The following KLF15 variants were observed in gnomAD, a reference collection of about 807,000 sequenced individuals.
KLF15 encodes the protein KLF transcription factor 15, also known as Krueppel-like factor 15.
Under a neutral mutation model 24.6 loss-of-function variants are expected in KLF15, and 4 were observed. The observed-to-expected ratio is 0.16, with a 90% confidence interval of 0.08 to 0.37. KLF15 has a LOEUF of 0.37. Ranked by LOEUF, KLF15 falls within the 10% of genes least tolerant of loss-of-function variation. The pLI is 1.00. For synonymous variants in KLF15, 246 were observed against 236.3 expected (o/e 1.04, Z -0.37); for missense variants, 496 against 560.6 (o/e 0.88, Z 1.16).
the KLF15 span, among the ~76,000 whole-genome samples, chr3:126,317,256 T>C: frequency 6.6e-6 from 1 of 152,136 alleles, no homozygotes; most frequent in Non-Finnish European, 1.5e-5. Flanking sequence ...AAGCAATAGG[T>C]AGCTAGTCAG....
chr3:126,350,920 G>C (rs955109977), intron 2 of KLF15, among the ~76,000 whole-genome samples: 1 of 152,240 alleles, frequency 6.6e-6, no homozygotes, highest in Non-Finnish European at 1.5e-5. Context: ...ACAGCACACA[G>C]CGCCCCCCAG....
the KLF15 span, among the ~76,000 whole-genome samples, chr3:126,324,806 C>CTT: frequency 0.14 from 8,266 of 59,458 alleles, 622 homozygotes; most frequent in African/African-American, 0.21. Flanking sequence ...TTTTTTCGCT[C>CTT]TTTTTTTTTT....
chr3:126,301,813 C>T, the KLF15 span, among the ~76,000 whole-genome samples: 1 of 151,952 alleles, frequency 6.6e-6, no homozygotes, highest in African/African-American at 2.4e-5. Context: ...CGGGGTTTCA[C>T]TATGTTGACC....
the KLF15 span, among the ~76,000 whole-genome samples, chr3:126,337,558 C>T: frequency 8.7e-6 from 1 of 115,496 alleles, no homozygotes; most frequent in Non-Finnish European, 1.7e-5. Context: ...CACATGTACC[C>T]TAAAACTTAA....
At chr3:126,317,702 T>C in the KLF15 span, among the ~76,000 whole-genome samples, 1 of 152,168 alleles carries the variant, frequency 6.6e-6, no homozygotes, top group East Asian at 1.9e-4. Context: ...AACATATAAA[T>C]TTCAAGTCAA....
rs1164352509 is a variant in KLF15, at chr3:126,352,926, G to T, written c.-4C>A. 1.3e-6 allele frequency: 2 copies of T among 1,593,514 alleles called. No homozygotes were observed. The highest frequency in any genetic ancestry group is 1.7e-6 in the Non-Finnish European group (2 of 1,168,784). On this transcript the variant is annotated 5_prime_UTR_variant, in exon 2 of 3. Coordinates refer to ENST00000296233, the MANE Select transcript of KLF15 (RefSeq NM_014079.4). ...CTGGAAGTAAGTGGTCCACCATGCT[G>T]GCCTGGCCGTGCCGGTGGCGGCTGC...
chr3:126,307,695 G>A, the KLF15 span, among the ~76,000 whole-genome samples: 2 of 152,190 alleles, frequency 1.3e-5, no homozygotes, highest in African/African-American at 4.8e-5. Context: ...AGGATTTCTA[G>A]CTGGTCTTTA....
chr3:126,304,166 C>A, the KLF15 span, among the ~76,000 whole-genome samples: 10 of 151,910 alleles, frequency 6.6e-5, no homozygotes, highest in East Asian at 1.7e-3. Flanking sequence ...TTTGTGCTGG[C>A]TTTGTATTTC....
chr3:126,305,238 C>A, the KLF15 span, among the ~76,000 whole-genome samples: 1 of 152,192 alleles, frequency 6.6e-6, no homozygotes, highest in Non-Finnish European at 1.5e-5. Context: ...CTTATATTTT[C>A]TTTAACATCA....
chr3:126,310,721 A>C, the KLF15 span, among the ~76,000 whole-genome samples: 4 of 152,026 alleles, frequency 2.6e-5, no homozygotes, highest in Non-Finnish European at 5.9e-5. Context: ...CCCCTTTTTT[A>C]AGAAGTCTTA....
At chr3:126,293,144 T>TAAA in the KLF15 span, among the ~76,000 whole-genome samples, 3,561 of 118,476 alleles carry the variant, frequency 0.03, 195 homozygotes, top group African/African-American at 0.11. Context: ...ACTGCATCTC[T>TAAA]AAAAAAAAAA....
chr3:126,355,626 C>A (rs529394778), intron 1 of KLF15, among the ~76,000 whole-genome samples: 37 of 152,376 alleles, frequency 2.4e-4, no homozygotes, highest in African/African-American at 8.4e-4. Context: ...ACTTTCCTCC[C>A]TGTCTACCTT....
Position 126,352,543 on chromosome 3 carries a change from A to G in KLF15, c.380T>C (p.Leu127Ser), listed in dbSNP as rs1248819638. Reference sequence around the variant, plus strand: ...CCGTGGGACGTCATCAGGATCACCCAAAGGAAACTCGGGCAAGCAGAAATG... The same window carrying G: ...CCGTGGGACGTCATCAGGATCACCCGAAGGAAACTCGGGCAAGCAGAAATG... ...GEHFCLPEFP[L>S]GDPDDVPRPF... The change falls in exon 2 of 3, where the codon TTG (leucine) becomes TCG (serine). Residue 127 changes from leucine (L) to serine (S), a missense_variant. This residue lies in a region of KLF15 where 399 missense variants were observed against 423.1 expected (regional missense o/e 0.94). Coordinates refer to ENST00000296233, the MANE Select transcript of KLF15 (RefSeq NM_014079.4). The G allele has an allele frequency of 1.2e-6, 2 of 1,612,948 alleles. No individual in the cohort carries two copies. Among genetic ancestry groups the G allele is most frequent in the Non-Finnish European group, 1.7e-6 (2 of 1,180,012 alleles).
chr3:126,300,842 G>A, the KLF15 span, among the ~76,000 whole-genome samples: 5 of 152,218 alleles, frequency 3.3e-5, no homozygotes, highest in African/African-American at 1.2e-4. Flanking sequence ...ACCTGGTAGA[G>A]GAAGCACAAG....
At chr3:126,307,980 A>C in the KLF15 span, among the ~76,000 whole-genome samples, 1 of 151,808 alleles carries the variant, frequency 6.6e-6, no homozygotes, top group East Asian at 1.9e-4. Context: ...GGTGCTAAGC[A>C]CAGGCTGGGT....
At chr3:126,349,891 G>A (rs2082568563) in intron 2 of KLF15, among the ~76,000 whole-genome samples, 1 of 152,212 alleles carries the variant, frequency 6.6e-6, no homozygotes, top group Non-Finnish European at 1.5e-5. Flanking sequence ...CCACCCTCTT[G>A]GGGGCTGGAG....
the KLF15 span, among the ~76,000 whole-genome samples, chr3:126,303,776 G>T: frequency 6.6e-6 from 1 of 150,622 alleles, no homozygotes; most frequent in Non-Finnish European, 1.5e-5. Flanking sequence ...CATTTATTAG[G>T]TTTCTTGAAG....
the KLF15 span, among the ~76,000 whole-genome samples, chr3:126,321,828 G>A: frequency 6.6e-6 from 1 of 152,352 alleles, no homozygotes; most frequent in African/African-American, 2.4e-5. Context: ...CGGCTCCGGG[G>A]TGGCACTGCT....
At chr3:126,310,358 C>T in the KLF15 span, among the ~76,000 whole-genome samples, 4 of 152,222 alleles carry the variant, frequency 2.6e-5, no homozygotes, top group African/African-American at 9.6e-5. Context: ...CAGCTAGAAA[C>T]TCAGGGAGGT....
Sources: gnomAD v4.1 joint callset for allele counts (sites outside exome capture counted in the v4.1 genomes callset) on GRCh38, gnomAD v4.1.1 for gene constraint, gnomAD v4.1.1 regional missense constraint, MANE v1.5 for transcripts, NCBI Gene and HGNC (gene_info 2026-07-23, HGNC 2026-07-21) for gene names.